PARP9: variants seen among roughly 807,000 people sequenced by gnomAD.
The protein encoded by PARP9 is protein mono-ADP-ribosyltransferase PARP9.
PARP9 carries 48 observed loss-of-function variants against 68.8 expected under a neutral mutation model. The ratio of observed to expected loss-of-function variants is 0.70; its 90% CI spans 0.55 to 0.89. The LOEUF (loss-of-function observed/expected upper bound fraction) is 0.89. Ranked by LOEUF, PARP9 falls within the 40% of genes least tolerant of loss-of-function variation. The probability of loss-of-function intolerance (pLI) is 0.00; values close to 1 mark genes in which losing one functional copy is unlikely to be tolerated. For synonymous variants in PARP9, 309 were observed against 333.8 expected, an observed-to-expected ratio of 0.93 and a Z score of 0.81; for missense variants, 806 against 969.3, an observed-to-expected ratio of 0.83 and a Z score of 2.24.
At chr3:122,530,176 C>CAAAAAAA (rs11295677) in intron 10 of PARP9, among the ~76,000 whole-genome samples, 4 of 82,304 alleles carry the variant, frequency 4.9e-5, no homozygotes, top group Non-Finnish European at 9.4e-5. Flanking sequence ...GGCCCTGTCT[C>CAAAAAAA]AAAAAAAAAA....
intron 4 of PARP9, among the ~76,000 whole-genome samples, chr3:122,554,003 T>G (rs1336321206): frequency 6.6e-6 from 1 of 152,176 alleles, no homozygotes; most frequent in Non-Finnish European, 1.5e-5. Context: ...TCCCCTTCCC[T>G]GCCAGCATCC....
Position 122,552,529 on chromosome 3 carries a change from T to C in PARP9, c.996A>G (p.Thr332=). 1 of 1,614,162 alleles carries C rather than the reference T, an allele frequency of 6.2e-7. No individual in the cohort carries two copies. The highest frequency in any genetic ancestry group is 8.5e-7 in the Non-Finnish European group (1 of 1,180,014). The stretch of plus-strand genomic sequence containing the variant: ...GGGACCGTTGAAACTGTTTAGCCTT[T>C]GTGGCAAGAAATTCCGATTTCATTT... ...GVEMKSEFLA[T]KAKQFQRSQL... is the part of the protein sequence containing the mutation. Residue 332 remains threonine (T), a synonymous_variant, in exon 5 of 11, where the codon ACA becomes ACG. Coordinates refer to ENST00000682323, the MANE Select transcript of PARP9 (RefSeq NM_001146105.2).
intron 4 of PARP9, 89 bp downstream of exon 4, chr3:122,555,197 T>C (rs1576432682): frequency 7.9e-7 from 1 of 1,260,316 alleles, no homozygotes; most frequent in South Asian, 1.5e-5. Context: ...AGATGGTTTC[T>C]ACATAGTGTT....
At chr3:122,532,320 A>C (rs2077367812) in intron 10 of PARP9, 1 of 985,218 alleles carries the variant, frequency 1.0e-6, no homozygotes, top group Non-Finnish European at 1.2e-6. Flanking sequence ...GGCACAGGAG[A>C]CTGCTAATGA....
At position 122,563,265 on chromosome 3, in the gene PARP9, A is replaced by C. The variant is rs185281554; in HGVS notation, c.-90+980T>G. On this transcript the variant is annotated intron_variant, in intron 1 of 10. Transcript: ENST00000682323. ...AAATATGTCCTGTCCAGGGTGGACT[A>C]TCAGCCTCACATAGCTACTGAGGCT... Among the ~76,000 whole-genome samples, 5 of 152,314 alleles carry C rather than the reference A, an allele frequency of 3.3e-5. No homozygotes were observed. The East Asian group carries it at 7.7e-4, about 24-fold the overall frequency.
At chr3:122,546,498 G>A (rs2078709860) in intron 6 of PARP9, among the ~76,000 whole-genome samples, 1 of 152,212 alleles carries the variant, frequency 6.6e-6, no homozygotes, top group Non-Finnish European at 1.5e-5. Flanking sequence ...AAGCTATAAT[G>A]TTTGGTAGGT....
At position 122,531,529 on chromosome 3, in the gene PARP9, G is replaced by A. The variant is rs973691061; in HGVS notation, c.2081-2786C>T. ...TCCCAGCACTTCGGGAGGCCGAGGC[G>A]GGTGGATCACGAGGTCAGGAGTTCG... On this transcript the variant is annotated intron_variant, in intron 10 of 10. Coordinates refer to ENST00000682323, the MANE Select transcript of PARP9 (RefSeq NM_001146105.2). Among the ~76,000 whole-genome samples, 8 of 152,160 alleles carry A rather than the reference G, an allele frequency of 5.3e-5. No homozygotes were observed. In the East Asian group the frequency reaches 5.8e-4, roughly 11 times the overall value.
At chr3:122,552,995 C>T (rs2079338850) in intron 4 of PARP9, among the ~76,000 whole-genome samples, 1 of 152,126 alleles carries the variant, frequency 6.6e-6, no homozygotes, top group Admixed American at 6.6e-5. Context: ...TGCCCGACCA[C>T]CATGACTTTT....
chr3:122,528,501 C>A lies in PARP9; in HGVS notation c.2323G>T (p.Gly775Cys). ...AAATACTGAGGTATAGCCTGCATGCCACTAAAAATAACAAAGGTTTCAGGG... is the reference window on the plus strand; with the variant it reads ...AAATACTGAGGTATAGCCTGCATGCAACTAAAAATAACAAAGGTTTCAGGG... ...SSPETFVIFSGMQAIPQYLWT... is the reference protein window; with the variant it reads ...SSPETFVIFSCMQAIPQYLWT... The change falls in exon 11 of 11, where the codon GGC becomes TGC. Residue 775 changes from glycine (G) to cysteine (C), a missense_variant. Coordinates refer to ENST00000682323, the MANE Select transcript of PARP9 (RefSeq NM_001146105.2). The A allele has an allele frequency of 6.2e-7, 1 of 1,614,122 alleles. No individual in the cohort carries two copies. The highest frequency in any genetic ancestry group is 8.5e-7 in the Non-Finnish European group (1 of 1,180,022).
At chr3:122,535,204 C>T in intron 10 of PARP9, 1 of 985,374 alleles carries the variant, frequency 1.0e-6, no homozygotes, top group Non-Finnish European at 1.2e-6. Flanking sequence ...AATGAAGGGA[C>T]TATACTGATC....
At chr3:122,547,113 T>TC (rs2078810224) in intron 6 of PARP9, among the ~76,000 whole-genome samples, 1 of 86,152 alleles carries the variant, frequency 1.2e-5, no homozygotes, top group African/African-American at 5.0e-5. Context: ...TTTTTTTTTC[T>TC]TTTTTTTTTT....
chr3:122,533,461 G>A (rs28719935), intron 10 of PARP9: 80,003 of 156,032 alleles, frequency 0.51, 20,992 homozygotes, highest in East Asian at 0.65. Context: ...TTCCTAAGTC[G>A]TCATCATTGA....
intron 10 of PARP9, chr3:122,532,197 A>G: frequency 1.0e-6 from 1 of 985,488 alleles, no homozygotes; most frequent in Non-Finnish European, 1.2e-6. Context: ...GAGGATGAAC[A>G]TGCTCAAAAA....
Position 122,556,002 on chromosome 3 carries a change from T to C in PARP9, c.169A>G (p.Ile57Val). Residue 57 changes from isoleucine (I) to valine (V), a missense_variant, in exon 4 of 11, where the codon ATC becomes GTC. This residue lies in a region of PARP9 where 126 missense variants were observed against 110.5 expected (regional missense o/e 1.14). Transcript: ENST00000682323. ...TGAACTGGAGAGACCAGGGTAGAGA[T>C]ACAGCCAAACTTATTCTGGAGGACT... ...CEVLQNKFGC[I>V]STLVSPVQEG... 2 of 1,614,028 alleles carry C rather than the reference T, an allele frequency of 1.2e-6. No individual in the cohort carries two copies. The highest frequency in any genetic ancestry group is 1.7e-6 in the Non-Finnish European group (2 of 1,179,992).
chr3:122,560,166 T>A (rs970725375), intron 1 of PARP9, among the ~76,000 whole-genome samples: 2 of 152,132 alleles, frequency 1.3e-5, no homozygotes, highest in Non-Finnish European at 2.9e-5. Context: ...GAGGGGGGTG[T>A]ATTATTGAAT....
At chr3:122,540,382 C>T in intron 8 of PARP9, 90 bp downstream of exon 8, 1 of 1,466,622 alleles carries the variant, frequency 6.8e-7, no homozygotes, top group Non-Finnish European at 9.2e-7. Flanking sequence ...CTCCTTCTGT[C>T]TCTTACCCAC....
At position 122,556,140 on chromosome 3, in the gene PARP9, T is replaced by G. The variant is rs202070507; in HGVS notation, c.50-19A>C. On this transcript the variant is annotated intron_variant, in intron 3 of 10. Coordinates refer to ENST00000682323, the MANE Select transcript of PARP9 (RefSeq NM_001146105.2). ...CCAGTCTCTGGAAAAGAAGAGAAGA[T>G]TAAAAAAAAAAAAAAAAAAAAAAAA... is the stretch of plus-strand genomic sequence containing the variant. The G allele has an allele frequency of 1.1e-5, 1 of 92,766 alleles. No individual in the cohort carries two copies. Among genetic ancestry groups the G allele is most frequent in the African/African-American group, 1.0e-4 (1 of 10,042 alleles). The allele number at this position is 92,766 out of a possible 1,614,324, so 5.7% of individuals were successfully genotyped here. A position where few individuals can be genotyped will look rare whatever the true frequency, so the allele number is the denominator to read the frequency against.
chr3:122,539,062 C>T (rs2077883114), intron 8 of PARP9, among the ~76,000 whole-genome samples: 1 of 152,170 alleles, frequency 6.6e-6, no homozygotes, highest in Admixed American at 6.5e-5. Flanking sequence ...TCTAAAAACA[C>T]AAGTCTGATG....
chr3:122,552,768 T>C (rs2079314319), intron 4 of PARP9, 129 bp from the exon 5 acceptor site: 1 of 664,740 alleles, frequency 1.5e-6, no homozygotes, highest in Non-Finnish European at 2.5e-6. Context: ...AAAAATTTCA[T>C]TAATAATGAA....
Sources: allele counts gnomAD v4.1 joint callset (sites outside exome capture counted in the v4.1 genomes callset), GRCh38; gene constraint gnomAD v4.1.1; regional missense constraint gnomAD v4.1.1; transcripts MANE v1.5; gene names NCBI Gene and HGNC (gene_info 2026-07-23, HGNC 2026-07-21).